Variants in ARHGAP18 observed in about 807,000 individuals in gnomAD.
The protein encoded by ARHGAP18 is Rho GTPase activating protein 18.
Under a neutral mutation model 86.2 loss-of-function variants are expected in ARHGAP18, and 67 were observed. The ratio of observed to expected loss-of-function variants is 0.78; its 90% confidence interval spans 0.64 to 0.95. The LOEUF is 0.95. Among genes scored for constraint, ARHGAP18 ranks in the 40% least tolerant of loss-of-function variants. ARHGAP18 has a pLI of 0.00. For synonymous variants in ARHGAP18, 283 were observed against 280.4 expected (o/e 1.01, Z -0.09); for missense variants, 691 against 780.4 (o/e 0.89, Z 1.37).
chr6:129,611,712 A>T, intron 7 of ARHGAP18, 102 bp from the exon 8 acceptor site: 1 of 912,916 alleles, frequency 1.1e-6, no homozygotes, highest in Non-Finnish European at 1.7e-6. Flanking sequence ...TTACAATGAC[A>T]TGTAAACTGG....
At chr6:129,676,915 C>CTTTTTTTTTTTTTTTTTTTTTTTTTT (rs10688716) in intron 1 of ARHGAP18, among the ~76,000 whole-genome samples, 2 of 37,960 alleles carry the variant, frequency 5.3e-5, no homozygotes, top group African/African-American at 1.4e-4. Context: ...TTTTTGTCCT[C>CTTTTTTTTTTTTTTTTTTTTTTTTTT]TTTTTTTTTT....
At chr6:129,655,060 C>T (rs1288874705) in intron 1 of ARHGAP18, among the ~76,000 whole-genome samples, 1 of 152,096 alleles carries the variant, frequency 6.6e-6, no homozygotes, top group African/African-American at 2.4e-5. Flanking sequence ...GTGGCTCACG[C>T]CTGTAAGCCC....
At chr6:129,652,774 C>G (rs1445123010) in intron 1 of ARHGAP18, among the ~76,000 whole-genome samples, 1 of 152,178 alleles carries the variant, frequency 6.6e-6, no homozygotes, top group Admixed American at 6.5e-5. Context: ...GATATCCCTT[C>G]AGTTCATAAA....
At chr6:129,627,232 CAAAT>C (rs1237725109) in intron 5 of ARHGAP18, among the ~76,000 whole-genome samples, 1 of 151,908 alleles carries the variant, frequency 6.6e-6, no homozygotes, top group Non-Finnish European at 1.5e-5. Context: ...TTTCTGAAAA[CAAAT>C]AGAAAGTAAA....
intron 1 of ARHGAP18, among the ~76,000 whole-genome samples, chr6:129,704,353 G>A (rs1774770196): frequency 1.3e-5 from 2 of 152,128 alleles, no homozygotes; most frequent in South Asian, 4.1e-4. Flanking sequence ...CCTGAGGCAT[G>A]AGAATCGCTT....
intron 5 of ARHGAP18, 143 bp downstream of exon 5, chr6:129,629,210 C>T (rs1178393403): frequency 2.7e-6 from 2 of 738,982 alleles, no homozygotes; most frequent in Non-Finnish European, 3.8e-6. Flanking sequence ...GTAGTGAGGC[C>T]TCATCTTTCT....
Position 129,630,468 on chromosome 6 carries a change from T to C in ARHGAP18, c.617-946A>G, listed in dbSNP as rs961131255. Reference sequence around the variant, plus strand: ...AGCTCTGAATTACAAAATACATCTATGCAGTGTAGACACATGCTTATAACA... The same window carrying C: ...AGCTCTGAATTACAAAATACATCTACGCAGTGTAGACACATGCTTATAACA... On this transcript the variant is annotated intron_variant, in intron 4 of 14. Coordinates refer to ENST00000368149, the MANE Select transcript of ARHGAP18 (RefSeq NM_033515.3). Among the ~76,000 whole-genome samples the C allele has an allele frequency of 2.0e-5, 3 of 152,174 alleles. No individual in the cohort carries two copies. In the East Asian group the frequency reaches 5.8e-4, roughly 29 times the overall value.
At chr6:129,651,267 G>T (rs1773705574) in intron 1 of ARHGAP18, among the ~76,000 whole-genome samples, 1 of 152,140 alleles carries the variant, frequency 6.6e-6, no homozygotes, top group East Asian at 1.9e-4. Context: ...TGTTACTTGT[G>T]GATGTTTAGT....
chr6:129,639,767 G>A (rs1165697325), intron 2 of ARHGAP18, among the ~76,000 whole-genome samples: 3 of 152,092 alleles, frequency 2.0e-5, no homozygotes, highest in Non-Finnish European at 2.9e-5. Context: ...CAGCAAGGCC[G>A]GGCATGGTGG....
intron 13 of ARHGAP18, among the ~76,000 whole-genome samples, chr6:129,580,986 T>A (rs1788274942): frequency 6.6e-6 from 1 of 152,176 alleles, no homozygotes; most frequent in African/African-American, 2.4e-5. Flanking sequence ...TGTAAAAGAA[T>A]TACCTGAGAA....
At chr6:129,637,192 G>T (rs1773352012) in intron 3 of ARHGAP18, among the ~76,000 whole-genome samples, 1 of 151,850 alleles carries the variant, frequency 6.6e-6, no homozygotes, top group South Asian at 2.1e-4. Flanking sequence ...AGCCCCGCAA[G>T]TAGCTGGGTC....
chr6:129,634,453 C>G (rs1451928636), intron 3 of ARHGAP18, among the ~76,000 whole-genome samples: 1 of 152,060 alleles, frequency 6.6e-6, no homozygotes, highest in Admixed American at 6.5e-5. Flanking sequence ...AAAATGTGGT[C>G]TATCTGTACA....
At chr6:129,651,476 C>T (rs1235289649) in intron 1 of ARHGAP18, among the ~76,000 whole-genome samples, 1 of 151,990 alleles carries the variant, frequency 6.6e-6, no homozygotes, top group Non-Finnish European at 1.5e-5. Flanking sequence ...TGGTTGGGTG[C>T]CTTATCACAG....
chr6:129,681,052 A>C (rs566809606), intron 1 of ARHGAP18, among the ~76,000 whole-genome samples: 1 of 152,272 alleles, frequency 6.6e-6, no homozygotes, highest in East Asian at 1.9e-4. Context: ...CCACTTGCCA[A>C]GATCCTTAAT....
chr6:129,709,853 A>C (rs989201267), intron 1 of ARHGAP18, among the ~76,000 whole-genome samples, 171 bp downstream of exon 1: 4 of 152,266 alleles, frequency 2.6e-5, no homozygotes, highest in Non-Finnish European at 5.9e-5. Flanking sequence ...GACTTGGACT[A>C]GGTGAGATGA....
At chr6:129,630,064 G>A (rs9385505) in intron 4 of ARHGAP18, among the ~76,000 whole-genome samples, 33,247 of 152,090 alleles carry the variant, frequency 0.22, 3,774 homozygotes, top group Middle Eastern at 0.26. Context: ...GTGCCAAAAA[G>A]TGATCACTAT....
chr6:129,606,352 G>A (rs1040922356), intron 9 of ARHGAP18, among the ~76,000 whole-genome samples: 20 of 152,282 alleles, frequency 1.3e-4, no homozygotes, highest in African/African-American at 4.3e-4. Flanking sequence ...TTTTAATGGC[G>A]AGTGAACAAA....
chr6:129,579,889 G>A (rs965986307), intron 14 of ARHGAP18, among the ~76,000 whole-genome samples, 181 bp downstream of exon 14: 3 of 152,120 alleles, frequency 2.0e-5, no homozygotes, highest in African/African-American at 4.8e-5. Flanking sequence ...TTGTACAGGC[G>A]CTCAAACAGA....
intron 1 of ARHGAP18, among the ~76,000 whole-genome samples, chr6:129,661,380 T>C (rs1426089572): frequency 6.6e-6 from 1 of 150,518 alleles, no homozygotes; most frequent in Non-Finnish European, 1.5e-5. Context: ...TGTAAAAAAG[T>C]TAATATATGG....
Sources: gnomAD v4.1 joint callset for allele counts (sites outside exome capture counted in the v4.1 genomes callset) on GRCh38, gnomAD v4.1.1 for gene constraint, MANE v1.5 for transcripts, NCBI Gene and HGNC (gene_info 2026-07-23, HGNC 2026-07-21) for gene names.